Variants in LEF1 observed in about 807,000 individuals in gnomAD.
The protein encoded by LEF1 is lymphoid enhancer binding factor 1.
A neutral mutation model predicts 51.2 loss-of-function variants in LEF1; 14 were observed. That is an observed-to-expected ratio of 0.27 (90% confidence interval 0.18 to 0.43). The LOEUF is 0.43. Among genes scored for constraint, LEF1 ranks in the 20% least tolerant of loss-of-function variants. LEF1 has a pLI of 1.00. For missense variants in LEF1, 386 were observed against 512.0 expected, an observed-to-expected ratio of 0.75 and a Z score of 2.37; for synonymous variants, 185 against 183.2, an observed-to-expected ratio of 1.01 and a Z score of -0.08.
chr4:108,092,623 T>C (rs1740095984), intron 3 of LEF1, among the ~76,000 whole-genome samples: 1 of 152,166 alleles, frequency 6.6e-6, no homozygotes, highest in African/African-American at 2.4e-5. Context: ...TTCCATTCAT[T>C]TAATCTCCTA....
intron 1 of LEF1, chr4:108,166,688 C>G: frequency 1.0e-6 from 1 of 997,062 alleles, no homozygotes; most frequent in Non-Finnish European, 1.2e-6. Flanking sequence ...GGCCAGAAGA[C>G]CCGATAAAGC....
chr4:108,058,112 G>A (rs974308054), intron 11 of LEF1, among the ~76,000 whole-genome samples: 5 of 151,972 alleles, frequency 3.3e-5, no homozygotes, highest in African/African-American at 4.8e-5. Context: ...CTGACCTCAT[G>A]ATCTGCCCAC....
At chr4:108,125,169 T>C (rs1179472661) in intron 3 of LEF1, among the ~76,000 whole-genome samples, 1 of 152,162 alleles carries the variant, frequency 6.6e-6, no homozygotes, top group Non-Finnish European at 1.5e-5. Flanking sequence ...TTTATTTTTA[T>C]TTATTTATTT....
rs1343789874 is a variant in LEF1, at chr4:108,048,578, A to C, written c.*180T>G. 1 of 658,060 alleles carries C rather than the reference A, an allele frequency of 1.5e-6. No individual in the cohort carries two copies. The highest frequency in any genetic ancestry group is 1.8e-5 in the African/African-American group (1 of 54,664). The allele number at this position is 658,060 out of a possible 1,614,324, so 40.8% of individuals were successfully genotyped here. ...AGAGGGGTTGGCAGTGATTGTCTTT[A>C]TGGATCAGCGTCTCTAGCAGTGACC... On this transcript the variant is annotated 3_prime_UTR_variant, in exon 12 of 12. Transcript: ENST00000265165.
intron 3 of LEF1, among the ~76,000 whole-genome samples, chr4:108,121,622 T>C (rs1055663508): frequency 6.6e-6 from 1 of 152,162 alleles, no homozygotes; most frequent in Non-Finnish European, 1.5e-5. Context: ...CTGGCCAAGA[T>C]CTTAAAAAAC....
At position 108,167,600 on chromosome 4, in the gene LEF1, G is replaced by A. The variant is rs1745496388; in HGVS notation, c.168C>T (p.Ser56=). The change falls in exon 1 of 12, where the codon TCC becomes TCT. Residue 56 remains serine, a synonymous_variant. Coordinates refer to ENST00000265165, the MANE Select transcript of LEF1 (RefSeq NM_016269.5). The surrounding 1 kb of genome is among the most constrained non-coding windows in gnomAD (Gnocchi z 5.7). The part of the protein sequence containing the change: ...EEGDLADIKS[S]LVNESEIIPA... The stretch of plus-strand genomic sequence containing the variant: ...GGATGATTTCAGACTCGTTCACCAA[G>A]GAAGACTTGATGTCAGCTAAATCGC... 1 of 1,614,192 alleles carries A rather than the reference G, an allele frequency of 6.2e-7. No individual in the cohort carries two copies. The highest frequency in any genetic ancestry group is 8.5e-7 in the Non-Finnish European group (1 of 1,180,016).
intron 3 of LEF1, among the ~76,000 whole-genome samples, chr4:108,159,047 T>C (rs1744908562): frequency 6.6e-6 from 1 of 152,138 alleles, no homozygotes; most frequent in African/African-American, 2.4e-5. Flanking sequence ...AAGAAACTAC[T>C]AGGGTCATTT....
At chr4:108,136,019 C>T (rs1160212653) in intron 3 of LEF1, among the ~76,000 whole-genome samples, 1 of 152,066 alleles carries the variant, frequency 6.6e-6, no homozygotes, top group Non-Finnish European at 1.5e-5. Context: ...AAAAACTGGT[C>T]TCAGCTGCTC....
intron 1 of LEF1, chr4:108,166,720 G>C (rs1745421231): frequency 3.0e-6 from 3 of 990,840 alleles, no homozygotes; most frequent in South Asian, 9.3e-5. Flanking sequence ...TGCAGGACTA[G>C]TGCCCGGCTT....
intron 6 of LEF1, 43 bp downstream of exon 6, chr4:108,081,543 G>A: frequency 1.3e-6 from 2 of 1,508,848 alleles, no homozygotes; most frequent in East Asian, 2.3e-5. Flanking sequence ...AGCACGAGAA[G>A]AGCAACTTGT....
intron 3 of LEF1, among the ~76,000 whole-genome samples, chr4:108,130,918 G>A (rs1252153834): frequency 2.0e-5 from 3 of 152,078 alleles, no homozygotes; most frequent in Non-Finnish European, 2.9e-5. Flanking sequence ...GGTGGTGGTG[G>A]TAGTAAGGTG....
chr4:108,079,714 T>C, intron 6 of LEF1, 100 bp from the exon 7 acceptor site: 2 of 1,162,904 alleles, frequency 1.7e-6, no homozygotes, highest in East Asian at 4.9e-5. Flanking sequence ...TGGCTAAGAG[T>C]AAAAACACAT....
intron 3 of LEF1, among the ~76,000 whole-genome samples, chr4:108,114,430 A>C (rs1441702578): frequency 6.6e-6 from 1 of 152,226 alleles, no homozygotes; most frequent in Non-Finnish European, 1.5e-5. Flanking sequence ...AGAAATGTCA[A>C]CTAGGCCCTT....
intron 11 of LEF1, among the ~76,000 whole-genome samples, chr4:108,056,683 C>T (rs1247968877): frequency 6.6e-6 from 1 of 152,104 alleles, no homozygotes; most frequent in Admixed American, 6.5e-5. Flanking sequence ...TGAACACAAG[C>T]ATAAAAAGAA....
At chr4:108,119,993 ATGTGTGTGTGTGTGTGTGTGTGTGTG>A (rs34987010) in intron 3 of LEF1, among the ~76,000 whole-genome samples, 1 of 149,486 alleles carries the variant, frequency 6.7e-6, no homozygotes, top group Non-Finnish European at 1.5e-5. Context: ...TATTTTATAT[ATGTGTGTGTGTGTGTGTGTGTGTGTG>A]TGTGTGTGTG....
rs368875872 is a variant in LEF1, at chr4:108,124,534, T to G, written c.415-35277A>C. 4.2e-4 allele frequency among the ~76,000 whole-genome samples: 64 copies of G among 152,172 alleles called. No individual in the cohort carries two copies. In the East Asian group the frequency reaches 0.011, roughly 26 times the overall value. On this transcript the variant is annotated intron_variant, in intron 3 of 11. Coordinates refer to ENST00000265165, the MANE Select transcript of LEF1 (RefSeq NM_016269.5). ...ACAGGTGTACGCCACCACACCCGGC[T>G]AATTTTTGTATTTTTAATAGAGGCA... is the stretch of plus-strand genomic sequence containing the variant.
Position 108,079,625 on chromosome 4 carries a change from G to GA in LEF1, c.723-12dup, listed in dbSNP as rs1273013479. On this transcript the variant is annotated splice_polypyrimidine_tract_variant and intron_variant, in intron 6 of 11. Transcript: ENST00000265165. Reference sequence around the variant, plus strand: ...ATATGATGGGAAAACCTGAAAGGAGGAAAGAGAAGAAAACAATGTACTACT... The same window carrying GA: ...ATATGATGGGAAAACCTGAAAGGAGGAAAAGAGAAGAAAACAATGTACTACT... The GA allele has an allele frequency of 1.3e-5, 21 of 1,613,874 alleles. No individual in the cohort carries two copies. Among genetic ancestry groups the GA allele is most frequent in the Non-Finnish European group, 1.8e-5 (21 of 1,179,944 alleles).
intron 8 of LEF1, among the ~76,000 whole-genome samples, chr4:108,075,084 T>A (rs1738756888): frequency 6.6e-6 from 1 of 152,236 alleles, no homozygotes; most frequent in Admixed American, 6.5e-5. Context: ...TGGGAATCAC[T>A]CATCTGCCAT....
At chr4:108,147,032 G>C (rs1744036226) in intron 3 of LEF1, among the ~76,000 whole-genome samples, 1 of 152,134 alleles carries the variant, frequency 6.6e-6, no homozygotes, top group Non-Finnish European at 1.5e-5. Context: ...TTTGGGAAGT[G>C]CAGGAGGAGC....
Sources: allele counts gnomAD v4.1 joint callset (sites outside exome capture counted in the v4.1 genomes callset), GRCh38; gene constraint gnomAD v4.1.1; non-coding constraint Gnocchi (gnomAD v3.1); transcripts MANE v1.5; gene names NCBI Gene and HGNC (gene_info 2026-07-23, HGNC 2026-07-21).